Variants in AADAC observed in about 807,000 individuals in gnomAD.
AADAC encodes arylacetamide deacetylase (esterase).
Under a neutral mutation model 22.7 loss-of-function variants are expected in AADAC, and 17 were observed. That is an observed-to-expected ratio of 0.75 (90% CI 0.51 to 1.12). The LOEUF (loss-of-function observed/expected upper bound fraction) is 1.12, where lower values mean the gene tolerates loss of function less well. Ranked by LOEUF, AADAC falls within the 50% of genes most tolerant of loss-of-function variation. The pLI, the probability that AADAC is intolerant of heterozygous loss-of-function variation, is 0.00. For synonymous variants in AADAC, 167 were observed against 176.3 expected (o/e 0.95, Z 0.42); for missense variants, 465 against 473.9 (o/e 0.98, Z 0.17).
At chr3:151,819,306 A>C (rs905531515) in intron 2 of AADAC, among the ~76,000 whole-genome samples, 2 of 151,948 alleles carry the variant, frequency 1.3e-5, no homozygotes, top group Non-Finnish European at 2.9e-5. Flanking sequence ...AAATAATAGA[A>C]GTCCTGCATC....
chr3:151,823,843 T>C (rs571832488), intron 3 of AADAC, among the ~76,000 whole-genome samples: 3 of 151,878 alleles, frequency 2.0e-5, no homozygotes, highest in East Asian at 1.9e-4. Flanking sequence ...TGCCCAAGAC[T>C]GCAAGCAGCC....
At chr3:151,816,063 T>C (rs1014766322) in intron 1 of AADAC, among the ~76,000 whole-genome samples, 1 of 152,058 alleles carries the variant, frequency 6.6e-6, no homozygotes, top group Non-Finnish European at 1.5e-5. Flanking sequence ...AAATGTTATC[T>C]TCCTCCCATA....
rs745458916 is a variant in AADAC, at chr3:151,820,356, T to C, written c.362-27T>C. On this transcript the variant is annotated intron_variant, in intron 2 of 4. Coordinates refer to ENST00000232892, the MANE Select transcript of AADAC (RefSeq NM_001086.3). The stretch of plus-strand genomic sequence containing the variant: ...TGTCTTCATTTGTCTGTTTTACTAA[T>C]ATGTTGCTTTTATCCTTTTATTTCA... 13 of 1,518,610 alleles carry C rather than the reference T, an allele frequency of 8.6e-6. No homozygotes were observed. In the South Asian group the frequency reaches 1.1e-4, roughly 13 times the overall value. The allele number at this position is 1,518,610 out of a possible 1,614,324, so 94.1% of individuals were successfully genotyped here.
intron 1 of AADAC, among the ~76,000 whole-genome samples, chr3:151,816,323 G>T (rs112046440): frequency 2.0e-5 from 3 of 151,930 alleles, no homozygotes; most frequent in Non-Finnish European, 2.9e-5. Flanking sequence ...TTCTTATTTG[G>T]TTAGCAAAAG....
chr3:151,821,750 A>T (rs1716263532), intron 3 of AADAC, among the ~76,000 whole-genome samples: 1 of 151,952 alleles, frequency 6.6e-6, no homozygotes, highest in Admixed American at 6.6e-5. Flanking sequence ...CTAATAAATC[A>T]CTAGTACATG....
intron 4 of AADAC, among the ~76,000 whole-genome samples, chr3:151,826,069 GTTAT>G: frequency 6.6e-6 from 1 of 151,890 alleles, no homozygotes; most frequent in African/African-American, 2.4e-5. Context: ...AAACATTGCT[GTTAT>G]TTGTTTTGTT....
Position 151,825,359 on chromosome 3 carries a change from C to T in AADAC, c.603+525C>T, listed in dbSNP as rs1450246295. 1.3e-5 allele frequency among the ~76,000 whole-genome samples: 2 copies of T among 151,886 alleles called. 1 individual carries two copies. Among genetic ancestry groups the T allele is most frequent in the African/African-American group, 4.8e-5 (2 of 41,396 alleles). ...AGTAAGGTGTAATCGTGCCACTGTACTCCAGCCTGGGTGACAGAATAAGGC... is the reference window on the plus strand; with the variant it reads ...AGTAAGGTGTAATCGTGCCACTGTATTCCAGCCTGGGTGACAGAATAAGGC... On this transcript the variant is annotated intron_variant, in intron 4 of 4. Transcript: ENST00000232892.
Position 151,820,730 on chromosome 3 carries a change from CGT to C in AADAC, c.431+281_431+282del, listed in dbSNP as rs1457327018. 3.1e-5 allele frequency among the ~76,000 whole-genome samples: 2 copies of C among 65,048 alleles called. 1 individual carries two copies. Among genetic ancestry groups the C allele is most frequent in the Non-Finnish European group, 7.2e-5 (2 of 27,646 alleles). The allele number at this position is 65,048 out of a possible 152,430, so 42.7% of individuals were successfully genotyped here. A position where few individuals can be genotyped will look rare whatever the true frequency, so the allele number is the denominator to read the frequency against. On this transcript the variant is annotated intron_variant, in intron 3 of 4. Coordinates refer to ENST00000232892, the MANE Select transcript of AADAC (RefSeq NM_001086.3). The stretch of plus-strand genomic sequence containing the variant: ...ATGGGGTTTCACCATGTTGGTCAGG[CGT>C]GTCTTAAACTCCTGACCTCAGATGA...
At position 151,817,404 on chromosome 3, in the gene AADAC, G is replaced by C; in HGVS notation, c.177G>C (p.Met59Ile). 3 of 1,613,608 alleles carry C rather than the reference G, an allele frequency of 1.9e-6. No individual in the cohort carries two copies. The highest frequency in any genetic ancestry group is 2.5e-6 in the Non-Finnish European group (3 of 1,179,656). ...AGCTCCTGGGACTTCACCATTTTATGGATTCCTTTAAGGTTGTCGGGAGCT... is the reference window on the plus strand; with the variant it reads ...AGCTCCTGGGACTTCACCATTTTATCGATTCCTTTAAGGTTGTCGGGAGCT... ...FVELLGLHHF[M>I]DSFKVVGSFD... Residue 59 changes from methionine (M) to isoleucine (I), a missense_variant, in exon 2 of 5, where the codon ATG (methionine) becomes ATC (isoleucine). By Grantham distance (10) the Met-to-Ile change is conservative. Coordinates refer to ENST00000232892, the MANE Select transcript of AADAC (RefSeq NM_001086.3).
chr3:151,819,290 A>C (rs567142214), intron 2 of AADAC, among the ~76,000 whole-genome samples: 2 of 151,820 alleles, frequency 1.3e-5, no homozygotes, highest in Non-Finnish European at 2.9e-5. Context: ...AACCTCAAGA[A>C]AGAGGAAATA....
chr3:151,817,305 C>T (rs1716028981), intron 1 of AADAC, 61 bp from the exon 2 acceptor site: 9 of 1,426,496 alleles, frequency 6.3e-6, no homozygotes, highest in Admixed American at 1.7e-5. Context: ...ACCTATAAGT[C>T]CATAGATCTC....
Position 151,818,015 on chromosome 3 carries a change from G to A in AADAC, c.361+427G>A, listed in dbSNP as rs150948098. On this transcript the variant is annotated intron_variant, in intron 2 of 4. Coordinates refer to ENST00000232892, the MANE Select transcript of AADAC (RefSeq NM_001086.3). ...GCACTTTGGGAGGCCAAGGCGGGTGGATAACTTGAGGTCAGGAGTTTGAGA... is the reference window on the plus strand; with the variant it reads ...GCACTTTGGGAGGCCAAGGCGGGTGAATAACTTGAGGTCAGGAGTTTGAGA... Among the ~76,000 whole-genome samples, 463 of 152,068 alleles carry A rather than the reference G, an allele frequency of 3.0e-3. 5 individuals are homozygous for A. The highest frequency in any genetic ancestry group is 9.5e-3 in the African/African-American group (394 of 41,526).
At chr3:151,821,755 T>C (rs1427510178) in intron 3 of AADAC, among the ~76,000 whole-genome samples, 3 of 151,792 alleles carry the variant, frequency 2.0e-5, no homozygotes, top group Non-Finnish European at 2.9e-5. Flanking sequence ...AAATCACTAG[T>C]ACATGAAAGA....
chr3:151,819,752 G>C (rs768315793), intron 2 of AADAC, among the ~76,000 whole-genome samples: 21 of 150,660 alleles, frequency 1.4e-4, no homozygotes, highest in Non-Finnish European at 2.8e-4. Flanking sequence ...AGGAAGGTTG[G>C]AAATGGAAAA....
Position 151,828,068 on chromosome 3 carries a change from A to T in AADAC, c.1096A>T (p.Asn366Tyr). 1.2e-6 allele frequency: 2 copies of T among 1,613,148 alleles called. No individual in the cohort carries two copies. The highest frequency in any genetic ancestry group is 1.7e-6 in the Non-Finnish European group (2 of 1,179,328). Residue 366 changes from asparagine to tyrosine, a missense_variant, in exon 5 of 5, where the codon AAC becomes TAC. Transcript: ENST00000232892. The stretch of plus-strand genomic sequence containing the variant: ...CAACACTGGGGTTCAGGTGACTCAT[A>T]ACCATGTTGAGGATGGATTCCATGG... The part of the protein sequence containing the change: ...LRNTGVQVTH[N>Y]HVEDGFHGAF...
chr3:151,825,266 C>G (rs1482482376), intron 4 of AADAC, among the ~76,000 whole-genome samples: 3 of 151,474 alleles, frequency 2.0e-5, no homozygotes, highest in Admixed American at 2.0e-4. Flanking sequence ...AGTTTGTAGT[C>G]CTAGCTACCT....
At chr3:151,819,827 C>T (rs1716158372) in intron 2 of AADAC, among the ~76,000 whole-genome samples, 1 of 151,958 alleles carries the variant, frequency 6.6e-6, no homozygotes, top group South Asian at 2.1e-4. Context: ...CAGCTAGATA[C>T]ATTCTTAAAG....
chr3:151,819,436 C>G lies in AADAC; in HGVS notation c.362-947C>G, dbSNP rs951055579. On this transcript the variant is annotated intron_variant, in intron 2 of 4. Transcript: ENST00000232892. ...GGGATATTCACAGAGAAACACATTA[C>G]AGCAAGCAAAAAGTGAGAGGGAAGA... 4.0e-5 allele frequency among the ~76,000 whole-genome samples: 6 copies of G among 151,710 alleles called. 1 individual carries two copies. The highest frequency in any genetic ancestry group is 8.8e-5 in the Non-Finnish European group (6 of 67,896).
rs1377156838 is a variant in AADAC, at chr3:151,828,178, CAT to C, written c.*7_*8del. The C allele has an allele frequency of 2.1e-6, 3 of 1,456,448 alleles. No homozygotes were observed. Among genetic ancestry groups the C allele is most frequent in the Non-Finnish European group, 2.8e-6 (3 of 1,079,336 alleles). The allele number at this position is 1,456,448 out of a possible 1,614,324, so 90.2% of individuals were successfully genotyped here. On this transcript the variant is annotated 3_prime_UTR_variant, in exon 5 of 5. Transcript: ENST00000232892. ...GGCTAAAGGAAAATCTATAGTAAAA[CAT>C]GTAGCTATAACATATTTTAAAAATA...
Sources: gnomAD v4.1 joint callset for allele counts (sites outside exome capture counted in the v4.1 genomes callset) on GRCh38, gnomAD v4.1.1 for gene constraint, MANE v1.5 for transcripts, NCBI Gene and HGNC (gene_info 2026-07-23, HGNC 2026-07-21) for gene names.